MAGI1: variants seen among roughly 807,000 people sequenced by gnomAD.
MAGI1 encodes membrane-associated guanylate kinase, WW and PDZ domain-containing protein 1.
A neutral mutation model predicts 139.9 loss-of-function variants in MAGI1; 58 were observed. That is an observed-to-expected ratio of 0.41 (90% CI 0.34 to 0.52). MAGI1 has a LOEUF of 0.52. Ranked by LOEUF, MAGI1 falls within the 20% of genes least tolerant of loss-of-function variation. The pLI is 0.12. For synonymous variants in MAGI1, 812 were observed against 737.9 expected (o/e 1.10, Z -1.63); for missense variants, 1,874 against 1,901.6 (o/e 0.99, Z 0.27).
chr3:65,442,758 T>A (rs1948433047), intron 8 of MAGI1, 34 bp downstream of exon 8: 1 of 1,537,136 alleles, frequency 6.5e-7, no homozygotes, highest in Non-Finnish European at 9.0e-7. Flanking sequence ...TAGAGAGGTA[T>A]AAACTAATGT....
intron 1 of MAGI1, among the ~76,000 whole-genome samples, chr3:65,976,305 AAGATGT>A: frequency 6.6e-6 from 1 of 152,286 alleles, no homozygotes; most frequent in African/African-American, 2.4e-5. Context: ...GAGGGATGCT[AAGATGT>A]AGGCCATACA....
intron 1 of MAGI1, chr3:65,872,773 C>T (rs932054601): frequency 4.6e-5 from 7 of 152,176 alleles, no homozygotes; most frequent in African/African-American, 1.7e-4. Flanking sequence ...AGGGTCATGT[C>T]TCCCAAACAT....
chr3:65,627,376 T>G (rs2140755), intron 1 of MAGI1, among the ~76,000 whole-genome samples: 26,685 of 151,882 alleles, frequency 0.18, 3,370 homozygotes, highest in East Asian at 0.6. Context: ...ATATAGAACT[T>G]TTTCCAAGAA....
chr3:65,737,931 T>G (rs532232590), intron 1 of MAGI1, among the ~76,000 whole-genome samples: 25 of 152,266 alleles, frequency 1.6e-4, no homozygotes, highest in Admixed American at 1.6e-3. Context: ...TCATTAGGAC[T>G]CCTAAAATCA....
intron 17 of MAGI1, among the ~76,000 whole-genome samples, chr3:65,377,819 T>C (rs1942675592): frequency 6.6e-6 from 1 of 152,190 alleles, no homozygotes; most frequent in African/African-American, 2.4e-5. Context: ...CAGCCACACA[T>C]GCATAGACCT....
chr3:65,964,150 G>C (rs2064614897), intron 1 of MAGI1, among the ~76,000 whole-genome samples: 1 of 152,172 alleles, frequency 6.6e-6, no homozygotes, highest in South Asian at 2.1e-4. Flanking sequence ...CAACTGCCCT[G>C]CCCTGTCTTT....
At chr3:65,365,002 G>T in intron 18 of MAGI1, 56 bp from the exon 19 acceptor site, 4 of 1,427,640 alleles carry the variant, frequency 2.8e-6, no homozygotes, top group Non-Finnish European at 4.0e-6. Context: ...ACATCCTCCA[G>T]CCAGGAGGTG....
chr3:65,438,754 G>A (rs1281193701), intron 9 of MAGI1, among the ~76,000 whole-genome samples: 1 of 152,174 alleles, frequency 6.6e-6, no homozygotes, highest in Non-Finnish European at 1.5e-5. Flanking sequence ...AGAATACTTT[G>A]TGACATATGA....
intron 6 of MAGI1, among the ~76,000 whole-genome samples, chr3:65,449,421 G>A (rs997564393): frequency 1.3e-5 from 2 of 152,090 alleles, no homozygotes; most frequent in African/African-American, 4.8e-5. Flanking sequence ...CACTTCTTCA[G>A]TAGTTATTTA....
chr3:65,977,052 CA>C (rs1244051999), intron 1 of MAGI1, among the ~76,000 whole-genome samples: 1 of 152,064 alleles, frequency 6.6e-6, no homozygotes, highest in East Asian at 1.9e-4. Context: ...TCCAGGAAAC[CA>C]AAATGTCAAT....
chr3:65,403,309 A>G (rs1432509602), intron 12 of MAGI1, among the ~76,000 whole-genome samples: 1 of 152,244 alleles, frequency 6.6e-6, no homozygotes, highest in Non-Finnish European at 1.5e-5. Flanking sequence ...TGCACTAACT[A>G]GAGAAAAATC....
intron 1 of MAGI1, among the ~76,000 whole-genome samples, chr3:65,997,404 C>T (rs752598905): frequency 3.9e-5 from 6 of 152,192 alleles, no homozygotes. Flanking sequence ...CGCCTGTAAT[C>T]CCAGCACTTT....
chr3:65,361,555 A>G (rs1054480590), intron 21 of MAGI1, among the ~76,000 whole-genome samples: 2 of 152,002 alleles, frequency 1.3e-5, no homozygotes, highest in African/African-American at 2.4e-5. Context: ...GAAAGGGGGG[A>G]AAAAAAGCAG....
At chr3:65,501,118 A>C (rs9864728) in intron 2 of MAGI1, among the ~76,000 whole-genome samples, 131,093 of 152,058 alleles carry the variant, frequency 0.86, 56,594 homozygotes, top group East Asian at 0.97. Flanking sequence ...CCCTCAAATC[A>C]AACTGCCTTT....
intron 5 of MAGI1, among the ~76,000 whole-genome samples, chr3:65,458,249 T>C (rs919625430): frequency 2.0e-5 from 3 of 152,092 alleles, no homozygotes; most frequent in East Asian, 1.9e-4. Context: ...CGAATAGTCC[T>C]GCAATAAACA....
intron 2 of MAGI1, among the ~76,000 whole-genome samples, chr3:65,609,085 G>A (rs1576465858): frequency 6.6e-6 from 1 of 152,296 alleles, no homozygotes; most frequent in East Asian, 1.9e-4. Flanking sequence ...CTTTTGGGAA[G>A]GAAGGGAAGC....
intron 1 of MAGI1, among the ~76,000 whole-genome samples, chr3:65,869,803 C>T (rs1165804005): frequency 6.6e-6 from 1 of 152,136 alleles, no homozygotes; most frequent in South Asian, 2.1e-4. Context: ...AAATGAGGAT[C>T]CTGGCCGCTT....
intron 2 of MAGI1, among the ~76,000 whole-genome samples, chr3:65,594,011 T>C (rs1050534952): frequency 6.6e-6 from 1 of 152,192 alleles, no homozygotes; most frequent in Non-Finnish European, 1.5e-5. Flanking sequence ...ATGCCTCAGA[T>C]CTTCTCAAAC....
At chr3:65,997,588 G>A (rs1206315368) in intron 1 of MAGI1, among the ~76,000 whole-genome samples, 5 of 151,844 alleles carry the variant, frequency 3.3e-5, no homozygotes, top group Non-Finnish European at 1.5e-5. Flanking sequence ...CCTGGGAGGC[G>A]GAGGTTGCAG....
Sources: gnomAD v4.1 joint callset for allele counts (sites outside exome capture counted in the v4.1 genomes callset) on GRCh38, gnomAD v4.1.1 for gene constraint, MANE v1.5 for transcripts, NCBI Gene and HGNC (gene_info 2026-07-23, HGNC 2026-07-21) for gene names.